The following PTPRB variants were observed in gnomAD, a reference collection of about 807,000 sequenced individuals.
PTPRB encodes receptor-type tyrosine-protein phosphatase beta.
Under a neutral mutation model 238.1 loss-of-function variants are expected in PTPRB, and 97 were observed. The ratio of observed to expected loss-of-function variants is 0.41; its 90% CI spans 0.35 to 0.48. The LOEUF (loss-of-function observed/expected upper bound fraction) is 0.48, where lower values mean the gene tolerates loss of function less well. PTPRB is among the 20% of genes least tolerant of loss of function. PTPRB has a pLI of 0.30. For synonymous variants in PTPRB, 970 were observed against 995.4 expected (o/e 0.97, Z 0.48); for missense variants, 2,292 against 2,681.9 (o/e 0.85, Z 3.21).
intron 9 of PTPRB, among the ~76,000 whole-genome samples, chr12:70,585,591 T>C (rs1881821589): frequency 6.6e-6 from 1 of 152,174 alleles, no homozygotes; most frequent in African/African-American, 2.4e-5. Flanking sequence ...TGCCACCTTG[T>C]GAAGAAGGTG....
intron 19 of PTPRB, among the ~76,000 whole-genome samples, chr12:70,555,652 A>C (rs1363363299): frequency 6.6e-6 from 1 of 152,288 alleles, no homozygotes; most frequent in African/African-American, 2.4e-5. Context: ...AGGTACTTTA[A>C]GACCATCTAA....
chr12:70,584,047 T>C (rs1269487268), intron 9 of PTPRB, among the ~76,000 whole-genome samples: 1 of 151,920 alleles, frequency 6.6e-6, no homozygotes, highest in Non-Finnish European at 1.5e-5. Context: ...AGGAGGGGAA[T>C]GAAAATATAA....
At chr12:70,609,672 A>G in intron 3 of PTPRB, 1 of 1,390,850 alleles carries the variant, frequency 7.2e-7, no homozygotes, top group African/African-American at 1.4e-5. Context: ...TCTTCAAAGC[A>G]CAACCCGATA....
chr12:70,523,174 G>C (rs1348110937), intron 33 of PTPRB, among the ~76,000 whole-genome samples: 2 of 151,494 alleles, frequency 1.3e-5, no homozygotes, highest in African/African-American at 4.9e-5. Flanking sequence ...TTTGTTTTTT[G>C]AGATACAATC....
intron 4 of PTPRB, among the ~76,000 whole-genome samples, chr12:70,603,003 G>T (rs554704484): frequency 5.9e-5 from 9 of 151,900 alleles, no homozygotes; most frequent in African/African-American, 1.9e-4. Context: ...CAGCAAACTG[G>T]CATCTAGGAA....
chr12:70,563,346 T>G (rs1878761252), intron 15 of PTPRB, among the ~76,000 whole-genome samples: 1 of 152,224 alleles, frequency 6.6e-6, no homozygotes, highest in African/African-American at 2.4e-5. Context: ...ACCACCTCCT[T>G]GCAAACTGCT....
chr12:70,594,356 A>G lies in PTPRB; in HGVS notation c.1516+111T>C, dbSNP rs1042567880. 4 of 1,388,598 alleles carry G rather than the reference A, an allele frequency of 2.9e-6. No individual in the cohort carries two copies. The African/African-American group carries it at 4.3e-5, about 15-fold the overall frequency. The allele number at this position is 1,388,598 out of a possible 1,614,324, so 86.0% of individuals were successfully genotyped here. A position where few individuals can be genotyped will look rare whatever the true frequency, so the allele number is the denominator to read the frequency against. On this transcript the variant is annotated intron_variant, in intron 6 of 33. Coordinates refer to ENST00000334414, the MANE Select transcript of PTPRB (RefSeq NM_001109754.4). ...AGTGGATATGGGTCTTCTATACCTT[A>G]TAAGAATTTCAATTTGTCCTATATT... is the stretch of plus-strand genomic sequence containing the variant.
rs2303963 is a variant in PTPRB at position 70,559,497 on chromosome 12, T to C, written c.4560A>G (p.Ala1520=). The change falls in exon 18 of 34, where the codon GCA becomes GCG. Residue 1520 remains alanine, a synonymous_variant. Coordinates refer to ENST00000334414, the MANE Select transcript of PTPRB (RefSeq NM_001109754.4). ...DFELQWLPRD[A]LTVFNPYNNR... ...TGTTGTAGGGGTTGAAGACAGTAAG[T>C]GCATCTCTGGGCAACCACTGCAGCT... 349,915 of 1,613,598 alleles carry C rather than the reference T, an allele frequency of 0.22. 39,191 individuals carry two copies. Among genetic ancestry groups the C allele is most frequent in the South Asian group, 0.31 (28,448 of 91,070 alleles).
intron 21 of PTPRB, among the ~76,000 whole-genome samples, chr12:70,550,873 G>C (rs1361584594): frequency 1.3e-5 from 2 of 151,442 alleles, no homozygotes; most frequent in Non-Finnish European, 2.9e-5. Context: ...CCAAGGAGCT[G>C]AGGAATCTCT....
intron 21 of PTPRB, among the ~76,000 whole-genome samples, chr12:70,547,746 A>C (rs933484413): frequency 6.6e-6 from 1 of 152,096 alleles, no homozygotes; most frequent in African/African-American, 2.4e-5. Flanking sequence ...GGCTCAAGCT[A>C]TCTGCCTGTC....
In PTPRB at chr12:70,571,094, T is replaced by C. The variant is rs1253211980; in HGVS notation, c.3302A>G (p.Gln1101Arg). The C allele has an allele frequency of 1.2e-6, 2 of 1,613,916 alleles. No homozygotes were observed. The highest frequency in any genetic ancestry group is 2.7e-5 in the African/African-American group (2 of 74,928). The change falls in exon 13 of 34, where the codon CAA becomes CGA. Residue 1101 changes from glutamine (Q) to arginine (R), a missense_variant. Gln to Arg is a conservative substitution (Grantham distance 43). Around this residue, in one of 4 missense-constraint regions of PTPRB, gnomAD observed 683 missense variants for 862.0 expected, o/e 0.79. Coordinates refer to ENST00000334414, the MANE Select transcript of PTPRB (RefSeq NM_001109754.4). Reference protein sequence around the residue: ...YRFTSLTPGRQYKILVLTISG... With the variant: ...YRFTSLTPGRRYKILVLTISG... The stretch of plus-strand genomic sequence containing the variant: ...AATCGTCAAGACAAGAATTTTGTAT[T>C]GGCGGCCTGGTGTTAGGGAAGTAAA...
rs1877595644 is a variant in PTPRB, at chr12:70,555,906, C to T, written c.4957G>A (p.Glu1653Lys). The T allele has an allele frequency of 6.2e-7, 1 of 1,613,376 alleles. No individual in the cohort carries two copies. Among genetic ancestry groups the T allele is most frequent in the Non-Finnish European group, 8.5e-7 (1 of 1,179,888 alleles). Residue 1653 changes from glutamate to lysine, a missense_variant, in exon 19 of 34, where the codon GAG becomes AAG. By Grantham distance (56) the Glu-to-Lys change is moderately conservative. Coordinates refer to ENST00000334414, the MANE Select transcript of PTPRB (RefSeq NM_001109754.4). ...IKVQSAGMTS[E>K]VVEDSTITMI... ...GTGATAGTGCTGTCTTCAACCACCT[C>T]GCTGGTCATGCCGGCCGACTGCACT... is the stretch of plus-strand genomic sequence containing the variant.
intron 18 of PTPRB, chr12:70,559,064 G>A: frequency 1.7e-6 from 1 of 576,534 alleles, no homozygotes; most frequent in Non-Finnish European, 3.1e-6. Flanking sequence ...TGTCTCCATA[G>A]TACCATTTAC....
chr12:70,566,483 CAGTT>C lies in PTPRB; in HGVS notation c.3852_3855del (p.Thr1285SerfsTer24). 6.2e-7 allele frequency: 1 copy of C among 1,614,002 alleles called. No individual in the cohort carries two copies. Among genetic ancestry groups the C allele is most frequent in the South Asian group, 1.1e-5 (1 of 91,080 alleles). ...TCCTTGCTAAAGAGGCCTCCACTGA[CAGTT>C]AGGATCTGTATCTTGTATTTCTTGC... On this transcript the variant is annotated frameshift_variant, in exon 15 of 34. Transcript: ENST00000334414. LOFTEE classifies it high-confidence loss of function.
chr12:70,610,485 A>T (rs1358994989), intron 3 of PTPRB, among the ~76,000 whole-genome samples: 1 of 148,416 alleles, frequency 6.7e-6, no homozygotes, highest in African/African-American at 2.5e-5. Context: ...ACTTTTTCCC[A>T]GGATTAAACT....
intron 3 of PTPRB, among the ~76,000 whole-genome samples, chr12:70,616,802 G>A (rs34663796): frequency 0.15 from 22,370 of 152,160 alleles, 2,022 homozygotes; most frequent in Non-Finnish European, 0.21. Context: ...TCATGTTAAA[G>A]GGCCCATTTC....
In PTPRB at chr12:70,576,587, G is replaced by C. The variant is rs1030698622; in HGVS notation, c.2637C>G (p.Ser879Arg). Residue 879 changes from serine to arginine, a missense_variant, in exon 11 of 34, where the codon AGC becomes AGG. Ser to Arg is a moderately radical substitution (Grantham distance 110, BLOSUM62 -1). Transcript: ENST00000334414. ...VNNSGRNDYL[S>R]VSWLLAPGDV... ...CTCCGGGCGCCAGCAGCCAGGAAAC[G>C]CTGAGGTAGTCATTACGACCGGAAT... 1 of 1,538,732 alleles carries C rather than the reference G, an allele frequency of 6.5e-7. No homozygotes were observed. The highest frequency in any genetic ancestry group is 1.2e-5 in the South Asian group (1 of 83,860).
intron 33 of PTPRB, among the ~76,000 whole-genome samples, chr12:70,522,796 A>G (rs1871794573): frequency 6.6e-6 from 1 of 151,732 alleles, no homozygotes; most frequent in African/African-American, 2.4e-5. Context: ...TTTTTGTTTT[A>G]CATCCTGCTT....
Position 70,566,364 on chromosome 12 carries a change from C to T in PTPRB, c.3904+71G>A. ...TCTCCCAATGTTGCTTCATCCCTCT[C>T]ACCCTGGGGTTCTTACACAATAGCA... On this transcript the variant is annotated intron_variant, in intron 15 of 33. Transcript: ENST00000334414. 4 of 1,531,758 alleles carry T rather than the reference C, an allele frequency of 2.6e-6. No individual in the cohort carries two copies. The South Asian group carries it at 3.8e-5, about 15-fold the overall frequency. 94.9% of individuals were successfully genotyped at this position (1,531,758 alleles called of 1,614,324 possible).
Sources: gnomAD v4.1 joint callset for allele counts (sites outside exome capture counted in the v4.1 genomes callset) on GRCh38, gnomAD v4.1.1 for gene constraint, gnomAD v4.1.1 regional missense constraint, MANE v1.5 for transcripts, NCBI Gene and HGNC (gene_info 2026-07-23, HGNC 2026-07-21) for gene names.